Variants in CNTNAP2 observed in about 807,000 individuals in gnomAD.
The protein encoded by CNTNAP2 is contactin-associated protein-like 2.
Under a neutral mutation model 155.2 loss-of-function variants are expected in CNTNAP2, and 98 were observed. The observed-to-expected ratio is 0.63, with a 90% CI of 0.54 to 0.75. CNTNAP2 has a LOEUF of 0.75. Ranked by LOEUF, CNTNAP2 falls within the 30% of genes least tolerant of loss-of-function variation. CNTNAP2 has a pLI of 0.00. For missense variants in CNTNAP2, 1,727 were observed against 1,688.1 expected (o/e 1.02, Z -0.40); for synonymous variants, 651 against 631.2 (o/e 1.03, Z -0.47).
At chr7:147,933,124 G>A (rs1376195222) in intron 14 of CNTNAP2, among the ~76,000 whole-genome samples, 1 of 151,874 alleles carries the variant, frequency 6.6e-6, no homozygotes, top group Non-Finnish European at 1.5e-5. Flanking sequence ...CTGTCTCCCA[G>A]GCTGGATGGC....
intron 8 of CNTNAP2, among the ~76,000 whole-genome samples, chr7:147,285,556 T>C (rs2116734656): frequency 6.6e-6 from 1 of 152,164 alleles, no homozygotes; most frequent in Middle Eastern, 3.4e-3. Flanking sequence ...GTCTAAATTG[T>C]CATTATTTTC....
intron 1 of CNTNAP2, among the ~76,000 whole-genome samples, chr7:146,650,669 T>A (rs900003552): frequency 3.3e-5 from 5 of 152,022 alleles, no homozygotes; most frequent in Admixed American, 1.3e-4. Context: ...TGCACATGTA[T>A]CCTAGAACTT....
intron 13 of CNTNAP2, among the ~76,000 whole-genome samples, chr7:147,854,438 A>T (rs1584992555): frequency 6.6e-6 from 1 of 152,300 alleles, no homozygotes; most frequent in East Asian, 1.9e-4. Context: ...AGTAGCTCAG[A>T]CTGTGTTTCT....
intron 1 of CNTNAP2, among the ~76,000 whole-genome samples, chr7:146,281,523 G>A (rs777588923): frequency 1.3e-5 from 2 of 152,100 alleles, no homozygotes; most frequent in Non-Finnish European, 2.9e-5. Context: ...TCAGCTGGGC[G>A]CAGTGGCTCA....
chr7:147,282,374 T>A (rs985035096), intron 8 of CNTNAP2, among the ~76,000 whole-genome samples: 6 of 151,976 alleles, frequency 3.9e-5, no homozygotes, highest in Non-Finnish European at 8.8e-5. Flanking sequence ...GGAAAGTCAC[T>A]GTCATTGTGA....
chr7:147,791,613 C>A (rs2116573724), intron 13 of CNTNAP2, among the ~76,000 whole-genome samples: 1 of 152,072 alleles, frequency 6.6e-6, no homozygotes, highest in Admixed American at 6.5e-5. Flanking sequence ...GGATAGTAAC[C>A]CAGGACAATG....
chr7:146,912,245 GT>G (rs768049922), intron 3 of CNTNAP2, among the ~76,000 whole-genome samples: 5 of 149,796 alleles, frequency 3.3e-5, no homozygotes, highest in Admixed American at 6.7e-5. Flanking sequence ...TTGCTGACAG[GT>G]GCTTCTAAAG....
At chr7:147,139,219 A>G (rs1801549480) in intron 8 of CNTNAP2, among the ~76,000 whole-genome samples, 1 of 152,082 alleles carries the variant, frequency 6.6e-6, no homozygotes, top group Non-Finnish European at 1.5e-5. Context: ...GTACATATAC[A>G]ATGTGGTCCT....
At chr7:147,690,334 T>G (rs772829471) in intron 13 of CNTNAP2, among the ~76,000 whole-genome samples, 1 of 152,208 alleles carries the variant, frequency 6.6e-6, no homozygotes, top group Non-Finnish European at 1.5e-5. Flanking sequence ...TTTTCTCTAC[T>G]TCTTTAAAAC....
At chr7:146,543,511 C>G (rs897527047) in intron 1 of CNTNAP2, among the ~76,000 whole-genome samples, 1 of 151,756 alleles carries the variant, frequency 6.6e-6, no homozygotes, top group Non-Finnish European at 1.5e-5. Flanking sequence ...CACACCAGAG[C>G]GGTTGTTAAA....
At chr7:146,808,644 T>G (rs1463249312) in intron 2 of CNTNAP2, among the ~76,000 whole-genome samples, 1 of 152,250 alleles carries the variant, frequency 6.6e-6, no homozygotes, top group Non-Finnish European at 1.5e-5. Context: ...CCACTCATGC[T>G]GTACATTAGA....
intron 13 of CNTNAP2, among the ~76,000 whole-genome samples, chr7:147,753,270 A>C (rs1339317880): frequency 2.0e-5 from 3 of 152,188 alleles, no homozygotes; most frequent in South Asian, 2.1e-4. Flanking sequence ...TAATAGACTG[A>C]AACTAATTCT....
In CNTNAP2 at chr7:148,134,219, G is replaced by A. The variant is rs770875441; in HGVS notation, c.2555-13272G>A. On this transcript the variant is annotated intron_variant, in intron 16 of 23. Transcript: ENST00000361727. ...TGATTCCTCTGATGAGAACTGATGC[G>A]AATGCCAACTGACTTTTTATGAAGA... Among the ~76,000 whole-genome samples the A allele has an allele frequency of 2.0e-5, 3 of 152,170 alleles. No individual in the cohort carries two copies. In the East Asian group the frequency reaches 5.8e-4, roughly 29 times the overall value.
At chr7:147,899,563 C>T (rs942009914) in intron 13 of CNTNAP2, among the ~76,000 whole-genome samples, 1 of 152,134 alleles carries the variant, frequency 6.6e-6, no homozygotes, top group Admixed American at 6.6e-5. Context: ...AGTGCATTCT[C>T]ATATGCTAAA....
chr7:146,732,021 C>T (rs374284031), intron 1 of CNTNAP2, among the ~76,000 whole-genome samples: 13 of 151,948 alleles, frequency 8.6e-5, no homozygotes, highest in African/African-American at 2.7e-4. Context: ...TTATTCCCAG[C>T]GAGTACCTAT....
chr7:146,180,836 A>G (rs183037433), intron 1 of CNTNAP2, among the ~76,000 whole-genome samples: 35 of 152,330 alleles, frequency 2.3e-4, no homozygotes, highest in African/African-American at 8.2e-4. Context: ...CACCAAGGTC[A>G]GTAACCAGTA....
chr7:146,822,483 A>C (rs908946404), intron 2 of CNTNAP2, among the ~76,000 whole-genome samples: 1 of 151,268 alleles, frequency 6.6e-6, no homozygotes, highest in African/African-American at 2.4e-5. Context: ...ATAATACAAA[A>C]ATTTAAAAAA....
intron 8 of CNTNAP2, among the ~76,000 whole-genome samples, chr7:147,173,544 C>T (rs1288003518): frequency 6.6e-6 from 1 of 151,962 alleles, no homozygotes; most frequent in Admixed American, 6.6e-5. Flanking sequence ...AGAAAGAGAC[C>T]CAGCTGGCAT....
At chr7:148,339,716 G>A (rs1234119348) in intron 21 of CNTNAP2, 1 of 152,394 alleles carries the variant, frequency 6.6e-6, no homozygotes. Flanking sequence ...CCAGCCCGGG[G>A]AGCGCGGGAG....
Sources: gnomAD v4.1 joint callset for allele counts (sites outside exome capture counted in the v4.1 genomes callset) on GRCh38, gnomAD v4.1.1 for gene constraint, MANE v1.5 for transcripts, NCBI Gene and HGNC (gene_info 2026-07-23, HGNC 2026-07-21) for gene names.